IRF8: variants seen among roughly 807,000 people sequenced by gnomAD.
The protein encoded by IRF8 is interferon consensus sequence binding protein 1.
In IRF8, 14 loss-of-function variants were observed where a neutral mutation model predicts 48.7. That is an observed-to-expected ratio of 0.29 (90% CI 0.19 to 0.45). The LOEUF (loss-of-function observed/expected upper bound fraction) is 0.45. IRF8 is among the 20% of genes least tolerant of loss of function. The probability of loss-of-function intolerance (pLI) is 1.00; values close to 1 mark genes in which losing one functional copy is unlikely to be tolerated. For synonymous variants in IRF8, 278 were observed against 227.3 expected (o/e 1.22, Z -2.01); for missense variants, 493 against 580.7 (o/e 0.85, Z 1.55).
Position 85,909,186 on chromosome 16 carries a change from T to C in IRF8, c.358+13T>C, listed in dbSNP as rs1347871944. 1 of 1,613,098 alleles carries C rather than the reference T, an allele frequency of 6.2e-7. No individual in the cohort carries two copies. The highest frequency in any genetic ancestry group is 8.5e-7 in the Non-Finnish European group (1 of 1,179,222). On this transcript the variant is annotated intron_variant, in intron 3 of 8. Coordinates refer to ENST00000268638, the MANE Select transcript of IRF8 (RefSeq NM_002163.4). ...GAAGAGCAAAAATGTAACTATCCTT[T>C]ATGGGCATGAAACCTTCCAGAAGCT...
At chr16:85,916,154 C>G (rs1170989612) in intron 6 of IRF8, among the ~76,000 whole-genome samples, 1 of 152,196 alleles carries the variant, frequency 6.6e-6, no homozygotes, top group Non-Finnish European at 1.5e-5. Context: ...TTACCTGTGC[C>G]GAGCACAAAT....
rs1567875569 is a variant in IRF8, at chr16:85,902,998, A to G, written c.-1-17A>G. On this transcript the variant is annotated splice_polypyrimidine_tract_variant and intron_variant, in intron 1 of 8. Coordinates refer to ENST00000268638, the MANE Select transcript of IRF8 (RefSeq NM_002163.4). ...CAATATCCGTAATATCACAGCGTGT[A>G]TTTCTGTCTTTCCAAGGATGTGTGA... 6.2e-7 allele frequency: 1 copy of G among 1,613,836 alleles called. No homozygotes were observed. Among genetic ancestry groups the G allele is most frequent in the Non-Finnish European group, 8.5e-7 (1 of 1,179,814 alleles).
At chr16:85,913,663 A>T (rs1350993784) in intron 5 of IRF8, among the ~76,000 whole-genome samples, 3 of 152,222 alleles carry the variant, frequency 2.0e-5, no homozygotes, top group Non-Finnish European at 4.4e-5. Context: ...AAGAGAGCCC[A>T]GGGCATTTGG....
chr16:85,909,600 T>G, intron 3 of IRF8: 1 of 251,476 alleles, frequency 4.0e-6, no homozygotes, highest in Non-Finnish European at 7.9e-6. Context: ...CCTTCGTTGT[T>G]GGAGATGGGA....
intron 3 of IRF8, chr16:85,909,818 A>G (rs172573): frequency 0.019 from 2,875 of 154,952 alleles, 112 homozygotes; most frequent in African/African-American, 0.065. Flanking sequence ...AGGCTTCTCA[A>G]AGCCCTGTGC....
intron 6 of IRF8, 188 bp from the exon 7 acceptor site, chr16:85,918,229 C>T (rs1175477871): frequency 1.6e-6 from 1 of 623,194 alleles, no homozygotes; most frequent in Non-Finnish European, 2.7e-6. Context: ...CTTAGTCATT[C>T]TGTGTATTTA....
chr16:85,913,015 T>G (rs970443302), intron 4 of IRF8, 116 bp from the exon 5 acceptor site: 1 of 837,422 alleles, frequency 1.2e-6, no homozygotes, highest in East Asian at 2.4e-5. Context: ...TCTCCTGAGA[T>G]AAAGGTGACA....
At chr16:85,899,979 C>G (rs1229109274) in intron 1 of IRF8, among the ~76,000 whole-genome samples, 2 of 152,120 alleles carry the variant, frequency 1.3e-5, no homozygotes, top group African/African-American at 4.8e-5. Context: ...CAATGGCCCC[C>G]CACTTTCTTT....
intron 5 of IRF8, 52 bp from the exon 6 acceptor site, chr16:85,914,421 C>T: frequency 6.2e-7 from 1 of 1,611,576 alleles, no homozygotes; most frequent in South Asian, 1.1e-5. Flanking sequence ...GGGTTACTCC[C>T]TGTACACCAC....
At chr16:85,916,842 G>A (rs1035730701) in intron 6 of IRF8, among the ~76,000 whole-genome samples, 5 of 152,146 alleles carry the variant, frequency 3.3e-5, no homozygotes, top group African/African-American at 7.2e-5. Flanking sequence ...GAGGAAGAGC[G>A]AGACCAGCGG....
intron 2 of IRF8, among the ~76,000 whole-genome samples, chr16:85,905,474 A>G (rs1284254013): frequency 6.6e-6 from 1 of 152,242 alleles, no homozygotes; most frequent in Admixed American, 6.5e-5. Context: ...TTGGTTACGC[A>G]GTCGCCTGAT....
intron 2 of IRF8, 130 bp downstream of exon 2, chr16:85,903,319 G>T: frequency 2.4e-6 from 2 of 849,284 alleles, no homozygotes; most frequent in Non-Finnish European, 3.8e-6. Context: ...GCAAACATTG[G>T]TTCAGGAGTG....
chr16:85,904,810 A>ATTTTTTTTT (rs1418168585), intron 2 of IRF8, among the ~76,000 whole-genome samples: 1 of 64,622 alleles, frequency 1.5e-5, no homozygotes. Context: ...TTGATTGCAG[A>ATTTTTTTTT]TCTTTTTTTT....
chr16:85,915,702 C>T (rs527579074), intron 6 of IRF8, among the ~76,000 whole-genome samples: 2 of 152,232 alleles, frequency 1.3e-5, no homozygotes, highest in East Asian at 1.9e-4. Context: ...GAGGCTAAGC[C>T]TCCGGGCTCG....
intron 2 of IRF8, 122 bp from the exon 3 acceptor site, chr16:85,908,868 G>T: frequency 1.1e-6 from 1 of 881,256 alleles, no homozygotes; most frequent in Non-Finnish European, 1.9e-6. Flanking sequence ...GAAATTGAAT[G>T]AGAGTTGATG....
At chr16:85,920,975 G>A (rs1905537798) in intron 8 of IRF8, 131 bp from the exon 9 acceptor site, 3 of 906,716 alleles carry the variant, frequency 3.3e-6, no homozygotes, top group East Asian at 5.3e-5. Flanking sequence ...CCCTTCCTTG[G>A]CATTCTGGCT....
chr16:85,908,925 A>T, intron 2 of IRF8, 65 bp from the exon 3 acceptor site: 1 of 1,382,006 alleles, frequency 7.2e-7, no homozygotes, highest in Non-Finnish European at 1.0e-6. Context: ...GGTCCTGGTC[A>T]TGGTGACGGA....
At chr16:85,905,193 A>G (rs1200677402) in intron 2 of IRF8, among the ~76,000 whole-genome samples, 1 of 152,178 alleles carries the variant, frequency 6.6e-6, no homozygotes, top group African/African-American at 2.4e-5. Flanking sequence ...CAACAGACTT[A>G]ACCAGAGGTG....
At chr16:85,907,678 A>G (rs149090375) in intron 2 of IRF8, among the ~76,000 whole-genome samples, 81 of 152,320 alleles carry the variant, frequency 5.3e-4, no homozygotes, top group African/African-American at 1.9e-3. Flanking sequence ...CTCCGTCTCA[A>G]AAAAATAAAA....
Sources: allele counts gnomAD v4.1 joint callset (sites outside exome capture counted in the v4.1 genomes callset), GRCh38; gene constraint gnomAD v4.1.1; transcripts MANE v1.5; gene names NCBI Gene and HGNC (gene_info 2026-07-23, HGNC 2026-07-21).